The following BACE1 variants were observed in gnomAD, a reference collection of about 807,000 sequenced individuals.
The protein encoded by BACE1 is APP beta-secretase.
Under a neutral mutation model 54.0 loss-of-function variants are expected in BACE1, and 21 were observed. That is an observed-to-expected ratio of 0.39 (90% CI 0.28 to 0.56). BACE1 has a LOEUF of 0.56. Among genes scored for constraint, BACE1 ranks in the 20% least tolerant of loss-of-function variants. The probability of loss-of-function intolerance (pLI) is 0.63; values close to 1 mark genes in which losing one functional copy is unlikely to be tolerated. For synonymous variants in BACE1, 232 were observed against 260.9 expected (o/e 0.89, Z 1.07); for missense variants, 511 against 661.2 (o/e 0.77, Z 2.49).
At chr11:117,305,058 C>T (rs1443608831) in intron 1 of BACE1, among the ~76,000 whole-genome samples, 1 of 149,398 alleles carries the variant, frequency 6.7e-6, no homozygotes, top group Non-Finnish European at 1.5e-5. Context: ...TCCCGAGTAG[C>T]TGGGATTACA....
At chr11:117,308,418 G>A (rs1359598152) in intron 1 of BACE1, among the ~76,000 whole-genome samples, 1 of 152,076 alleles carries the variant, frequency 6.6e-6, no homozygotes, top group East Asian at 1.9e-4. Flanking sequence ...GTCAGCTGGT[G>A]GCTGAATACT....
chr11:117,315,803 C>G lies in BACE1; in HGVS notation c.-8G>C, dbSNP rs1011201432. On this transcript the variant is annotated 5_prime_UTR_variant, in exon 1 of 9. Coordinates refer to ENST00000313005, the MANE Select transcript of BACE1 (RefSeq NM_012104.6). The surrounding 1 kb of genome is among the most constrained non-coding windows in gnomAD (Gnocchi z 5.5). ...GGGCAGGGCTTGGGCCATGGTGGGC[C>G]CCGGCCTTCGGGCCCTCTGGGCTCG... is the stretch of plus-strand genomic sequence containing the variant. 3 of 1,400,870 alleles carry G rather than the reference C, an allele frequency of 2.1e-6. No homozygotes were observed. Among genetic ancestry groups the G allele is most frequent in the East Asian group, 3.0e-5 (1 of 33,032 alleles). 86.8% of individuals were successfully genotyped at this position (1,400,870 alleles called of 1,614,324 possible).
intron 3 of BACE1, 190 bp from the exon 4 acceptor site, chr11:117,294,198 T>C (rs1346326234): frequency 8.0e-6 from 4 of 499,522 alleles, no homozygotes; most frequent in Non-Finnish European, 1.4e-5. Flanking sequence ...ACAGTATTGA[T>C]AGGTTCACAG....
rs769953649 is a variant in BACE1 at position 117,290,918 on chromosome 11, G to A, written c.1074C>T (p.Arg358=). ...GACATACCTGCGGAAGGATGGTGAT[G>A]CGGAAGGACTGGTTGGTAACCTCAC... is the stretch of plus-strand genomic sequence containing the variant. ...LMGEVTNQSF[R]ITILPQQYLR... Residue 358 remains arginine, a synonymous_variant, in exon 7 of 9, where the codon CGC becomes CGT. Coordinates refer to ENST00000313005, the MANE Select transcript of BACE1 (RefSeq NM_012104.6). 7 of 1,614,050 alleles carry A rather than the reference G, an allele frequency of 4.3e-6. No individual in the cohort carries two copies. Among genetic ancestry groups the A allele is most frequent in the African/African-American group, 1.3e-5 (1 of 74,934 alleles).
intron 5 of BACE1, chr11:117,292,458 A>C (rs1591855106): frequency 6.6e-6 from 1 of 152,204 alleles, no homozygotes; most frequent in African/African-American, 2.4e-5. Context: ...TGCTGGGATT[A>C]CAGCCACGCC....
At chr11:117,310,507 G>A (rs1387754604) in intron 1 of BACE1, among the ~76,000 whole-genome samples, 4 of 151,946 alleles carry the variant, frequency 2.6e-5, no homozygotes, top group African/African-American at 9.7e-5. Context: ...TGCAACCTCT[G>A]CCTCCTGGGT....
chr11:117,295,320 C>G lies in BACE1; in HGVS notation c.378G>C (p.Lys126Asn), dbSNP rs1179766274. ...QLSSTYRDLRKGVYVPYTQGK... is the reference protein window; with the variant it reads ...QLSSTYRDLRNGVYVPYTQGK... ...CCTGGGTGTAGGGCACATACACACC[C>G]TTCCGGAGGTCCCGGTATGTGCTGG... Residue 126 changes from lysine (K) to asparagine (N), a missense_variant, in exon 3 of 9, where the codon AAG becomes AAC. By Grantham distance (94) the Lys-to-Asn change is moderately conservative. This residue lies in a region of BACE1 where 407 missense variants were observed against 565.7 expected (regional missense o/e 0.72). Transcript: ENST00000313005. 3 of 1,613,972 alleles carry G rather than the reference C, an allele frequency of 1.9e-6. No individual in the cohort carries two copies. In the South Asian group the frequency reaches 3.3e-5, roughly 18 times the overall value.
chr11:117,308,513 T>C (rs1338674785), intron 1 of BACE1, among the ~76,000 whole-genome samples: 1 of 152,194 alleles, frequency 6.6e-6, no homozygotes. Flanking sequence ...TTTGAACCCC[T>C]ACTCTGTTCT....
rs2134455036 is a variant in BACE1, at chr11:117,294,063, C to T, written c.568-55G>A. 2.5e-6 allele frequency: 4 copies of T among 1,573,286 alleles called. No homozygotes were observed. The South Asian group carries it at 4.7e-5, about 18-fold the overall frequency. ...CTCATACGGCCCTAAAGGCAGAGGC[C>T]AGCTTCCTGTCTAAACTGGAAGGCA... On this transcript the variant is annotated intron_variant, in intron 3 of 8. Coordinates refer to ENST00000313005, the MANE Select transcript of BACE1 (RefSeq NM_012104.6).
intron 2 of BACE1, among the ~76,000 whole-genome samples, chr11:117,296,614 C>T (rs1274751919): frequency 6.6e-6 from 1 of 152,148 alleles, no homozygotes; most frequent in Non-Finnish European, 1.5e-5. Context: ...TCTTCCTTTC[C>T]CTCCCACAGG....
At position 117,293,820 on chromosome 11, in the gene BACE1, AC is replaced by A; in HGVS notation, c.705+50del. On this transcript the variant is annotated intron_variant, in intron 4 of 8. Transcript: ENST00000313005. This position sits in a 1 kb window ranked among gnomAD's most constrained non-coding sequence, Gnocchi z 4.1. ...GCTTTCAGGAAGGGGAGAGGATGGC[AC>A]CCATCTCTCCCTCAATGCCAGGACC... 2 of 1,561,752 alleles carry A rather than the reference AC, an allele frequency of 1.3e-6. No individual in the cohort carries two copies. Among genetic ancestry groups the A allele is most frequent in the Non-Finnish European group, 1.7e-6 (2 of 1,152,906 alleles).
At position 117,286,018 on chromosome 11, in the gene BACE1, C is replaced by A. The variant is rs2034251239; in HGVS notation, c.*3548G>T. 1 of 152,646 alleles carries A rather than the reference C, an allele frequency of 6.6e-6. No individual in the cohort carries two copies. Among genetic ancestry groups the A allele is most frequent in the Admixed American group, 6.5e-5 (1 of 15,270 alleles). 9.5% of individuals were successfully genotyped at this position (152,646 alleles called of 1,614,324 possible). A position where few individuals can be genotyped will look rare whatever the true frequency, so the allele number is the denominator to read the frequency against. The stretch of plus-strand genomic sequence containing the variant: ...TCTGGTCTCCTAGTCTAGCTAATCC[C>A]CCTCCCCCAGAAGGTTAAGGCAGTT... On this transcript the variant is annotated 3_prime_UTR_variant, in exon 9 of 9. Transcript: ENST00000313005.
chr11:117,300,122 C>T (rs2034690255), intron 1 of BACE1, among the ~76,000 whole-genome samples: 1 of 152,092 alleles, frequency 6.6e-6, no homozygotes, highest in East Asian at 1.9e-4. Context: ...TCTTGCTGTC[C>T]TTCCAGCCCC....
chr11:117,298,637 C>T (rs1363687980), intron 1 of BACE1, among the ~76,000 whole-genome samples: 1 of 152,224 alleles, frequency 6.6e-6, no homozygotes, highest in Non-Finnish European at 1.5e-5. Context: ...TGTGGCTCCC[C>T]TTCTGTCTCA....
At chr11:117,301,184 C>CT (rs1197464601) in intron 1 of BACE1, among the ~76,000 whole-genome samples, 1 of 152,216 alleles carries the variant, frequency 6.6e-6, no homozygotes, top group Non-Finnish European at 1.5e-5. Context: ...CTCTTCCTCT[C>CT]TAACGACCCT....
chr11:117,316,254 T>G lies in BACE1; in HGVS notation c.-459A>C. The G allele has an allele frequency of 2.3e-6, 1 of 443,188 alleles. No homozygotes were observed. Among genetic ancestry groups the G allele is most frequent in the South Asian group, 4.0e-5 (1 of 25,246 alleles). The allele number at this position is 443,188 out of a possible 1,614,324, so 27.5% of individuals were successfully genotyped here. ...GGCGGGCTGGGGAGGCGGAAAGACTTGTGGCGGCGGCTGTCAAAGCCAAAA... is the reference window on the plus strand; with the variant it reads ...GGCGGGCTGGGGAGGCGGAAAGACTGGTGGCGGCGGCTGTCAAAGCCAAAA... On this transcript the variant is annotated 5_prime_UTR_variant, in exon 1 of 9. Transcript: ENST00000313005.
intron 1 of BACE1, among the ~76,000 whole-genome samples, chr11:117,301,225 T>C (rs1021507206): frequency 6.6e-6 from 1 of 152,204 alleles, no homozygotes; most frequent in Non-Finnish European, 1.5e-5. Flanking sequence ...TAGATCCTGG[T>C]GATGTCTAAG....
intron 1 of BACE1, chr11:117,299,759 C>A: frequency 3.2e-6 from 1 of 309,408 alleles, no homozygotes; most frequent in Non-Finnish European, 6.3e-6. Context: ...TGAAATCAAC[C>A]AGGTTAATGA....
At chr11:117,309,361 C>A (rs979270758) in intron 1 of BACE1, among the ~76,000 whole-genome samples, 1 of 152,248 alleles carries the variant, frequency 6.6e-6, no homozygotes, top group Non-Finnish European at 1.5e-5. Context: ...ATGGCATCCC[C>A]ACCATGCCTT....
Sources: gnomAD v4.1 joint callset for allele counts (sites outside exome capture counted in the v4.1 genomes callset) on GRCh38, gnomAD v4.1.1 for gene constraint, gnomAD v4.1.1 regional missense constraint, Gnocchi (gnomAD v3.1) non-coding constraint, MANE v1.5 for transcripts, NCBI Gene and HGNC (gene_info 2026-07-23, HGNC 2026-07-21) for gene names.